Variants in RNF180 observed in about 807,000 individuals in gnomAD.
The protein encoded by RNF180 is E3 ubiquitin-protein ligase RNF180.
A neutral mutation model predicts 59.2 loss-of-function variants in RNF180; 38 were observed. The ratio of observed to expected loss-of-function variants is 0.64; its 90% confidence interval spans 0.50 to 0.84. RNF180 has a LOEUF of 0.84. RNF180 is among the 40% of genes least tolerant of loss of function. The pLI, the probability that RNF180 is intolerant of heterozygous loss-of-function variation, is 0.00. For synonymous variants in RNF180, 262 were observed against 240.3 expected, an observed-to-expected ratio of 1.09 and a Z score of -0.84; for missense variants, 705 against 700.9, an observed-to-expected ratio of 1.01 and a Z score of -0.07.
At chr5:64,190,043 A>G (rs1001520716) in intron 1 of RNF180, among the ~76,000 whole-genome samples, 1 of 152,190 alleles carries the variant, frequency 6.6e-6, no homozygotes, top group Admixed American at 6.5e-5. Context: ...GTTTGAGTAT[A>G]GGGCCATCTC....
chr5:64,194,829 G>A (rs967285050), intron 1 of RNF180, among the ~76,000 whole-genome samples: 3 of 152,022 alleles, frequency 2.0e-5, no homozygotes, highest in South Asian at 2.1e-4. Flanking sequence ...CATATCCTTC[G>A]CCCACTTTTT....
At chr5:64,313,943 T>C (rs181169940) in intron 5 of RNF180, among the ~76,000 whole-genome samples, 158 of 152,296 alleles carry the variant, frequency 1.0e-3, no homozygotes, top group African/African-American at 3.7e-3. Flanking sequence ...TTTGGCCATG[T>C]GTATGTCTTC....
At chr5:64,334,993 G>A (rs1284822062) in intron 7 of RNF180, among the ~76,000 whole-genome samples, 2 of 152,144 alleles carry the variant, frequency 1.3e-5, no homozygotes, top group African/African-American at 4.8e-5. Context: ...TGGCTGTGAT[G>A]ATTTATCACC....
chr5:64,240,426 G>T (rs1046491573), intron 5 of RNF180, among the ~76,000 whole-genome samples: 7 of 152,172 alleles, frequency 4.6e-5, no homozygotes, highest in African/African-American at 1.7e-4. Context: ...TAGAGTCTAT[G>T]AAAGCCTTAC....
At chr5:64,307,442 TCTAA>T (rs111245521) in intron 5 of RNF180, among the ~76,000 whole-genome samples, 15 of 151,650 alleles carry the variant, frequency 9.9e-5, no homozygotes, top group Non-Finnish European at 1.6e-4. Context: ...ATCCTTATTC[TCTAA>T]CTGAGAAAAC....
chr5:64,320,592 TCTGTGTCAGCTAA>T (rs1744294195), intron 5 of RNF180, among the ~76,000 whole-genome samples: 1 of 152,192 alleles, frequency 6.6e-6, no homozygotes, highest in Non-Finnish European at 1.5e-5. Context: ...AGTGAGGGAA[TCTGTGTCAGCTAA>T]CTATACTAAT....
chr5:64,356,024 T>G (rs1288379853), intron 7 of RNF180, among the ~76,000 whole-genome samples: 1 of 151,742 alleles, frequency 6.6e-6, no homozygotes, highest in Non-Finnish European at 1.5e-5. Context: ...ATTAAAAATT[T>G]TGAAAGGAAT....
chr5:64,369,201 C>A lies in RNF180; in HGVS notation c.1580-414C>A, dbSNP rs945670183. Among the ~76,000 whole-genome samples, 27 of 151,952 alleles carry A rather than the reference C, an allele frequency of 1.8e-4. No homozygotes were observed. The Middle Eastern group carries it at 0.01, about 57-fold the overall frequency. On this transcript the variant is annotated intron_variant, in intron 7 of 7. Transcript: ENST00000389100. Reference sequence around the variant, plus strand: ...AGGAAATCATCATTCTCAGTAAACTCTCGCAAGGACAAAAAACCAAACACC... The same window carrying A: ...AGGAAATCATCATTCTCAGTAAACTATCGCAAGGACAAAAAACCAAACACC...
At chr5:64,217,543 C>A in intron 5 of RNF180, 147 bp downstream of exon 5, 2 of 1,196,426 alleles carry the variant, frequency 1.7e-6, no homozygotes, top group South Asian at 3.5e-5. Flanking sequence ...AAATTTTAGT[C>A]ATTCAAATAC....
At chr5:64,175,129 G>A (rs867687938) in intron 1 of RNF180, among the ~76,000 whole-genome samples, 6 of 151,858 alleles carry the variant, frequency 4.0e-5, no homozygotes, top group African/African-American at 7.2e-5. Flanking sequence ...CACCACACCC[G>A]GCTAATTTTG....
At chr5:64,297,424 T>G (rs900376328) in intron 5 of RNF180, among the ~76,000 whole-genome samples, 2 of 152,016 alleles carry the variant, frequency 1.3e-5, no homozygotes, top group Non-Finnish European at 2.9e-5. Flanking sequence ...CCCTCAAAAT[T>G]TGGCTCGAGT....
intron 7 of RNF180, among the ~76,000 whole-genome samples, chr5:64,341,194 T>C (rs1296683436): frequency 6.6e-6 from 1 of 152,196 alleles, no homozygotes. Context: ...ATTCTCCTGG[T>C]GTGAAAGCGT....
chr5:64,168,235 A>G (rs1050353965), intron 1 of RNF180, among the ~76,000 whole-genome samples: 1 of 152,144 alleles, frequency 6.6e-6, no homozygotes, highest in Non-Finnish European at 1.5e-5. Flanking sequence ...TTCTTTGCTA[A>G]ATTTGGCAGA....
At chr5:64,321,420 T>C (rs1380815001) in intron 5 of RNF180, among the ~76,000 whole-genome samples, 2 of 152,194 alleles carry the variant, frequency 1.3e-5, no homozygotes, top group African/African-American at 2.4e-5. Context: ...CCATTCACAG[T>C]TGGTATAAAG....
intron 7 of RNF180, among the ~76,000 whole-genome samples, chr5:64,339,831 C>CATAATCAATA (rs1745288738): frequency 6.6e-6 from 1 of 151,990 alleles, no homozygotes; most frequent in African/African-American, 2.4e-5. Context: ...AAGTGTCTTA[C>CATAATCAATA]ATAATCAATA....
chr5:64,216,930 A>G (rs1366365737), intron 4 of RNF180, among the ~76,000 whole-genome samples: 1 of 152,182 alleles, frequency 6.6e-6, no homozygotes, highest in Non-Finnish European at 1.5e-5. Context: ...GACCAACACA[A>G]TGGACATACA....
intron 5 of RNF180, among the ~76,000 whole-genome samples, chr5:64,263,489 C>T: frequency 6.6e-6 from 1 of 152,240 alleles, no homozygotes; most frequent in South Asian, 2.1e-4. Flanking sequence ...TGTAATGAAC[C>T]TTTTAACTGT....
intron 5 of RNF180, among the ~76,000 whole-genome samples, chr5:64,261,837 G>T (rs903709765): frequency 2.0e-5 from 3 of 152,102 alleles, no homozygotes; most frequent in Non-Finnish European, 4.4e-5. Context: ...TTGGTGTTTG[G>T]CAGACCCTCA....
chr5:64,180,320 T>G (rs1417627540), intron 1 of RNF180, among the ~76,000 whole-genome samples: 1 of 152,190 alleles, frequency 6.6e-6, no homozygotes, highest in East Asian at 1.9e-4. Flanking sequence ...ATATCTTACT[T>G]TCAAAATTTG....
Sources: gnomAD v4.1 joint callset for allele counts (sites outside exome capture counted in the v4.1 genomes callset) on GRCh38, gnomAD v4.1.1 for gene constraint, MANE v1.5 for transcripts, NCBI Gene and HGNC (gene_info 2026-07-23, HGNC 2026-07-21) for gene names.